The following NOD1 variants were observed in gnomAD, a reference collection of about 807,000 sequenced individuals.
NOD1 encodes nucleotide binding oligomerization domain containing 1.
A neutral mutation model predicts 81.2 loss-of-function variants in NOD1; 70 were observed. The observed-to-expected ratio is 0.86, with a 90% CI of 0.71 to 1.05. The LOEUF (loss-of-function observed/expected upper bound fraction) is 1.05. Ranked by LOEUF, NOD1 falls within the 50% of genes least tolerant of loss-of-function variation. NOD1 has a pLI of 0.00. For synonymous variants in NOD1, 508 were observed against 526.9 expected, an observed-to-expected ratio of 0.96 and a Z score of 0.49; for missense variants, 1,233 against 1,228.0, an observed-to-expected ratio of 1.00 and a Z score of -0.06.
chr7:30,448,005 A>T, intron 7 of NOD1: 1 of 373,156 alleles, frequency 2.7e-6, no homozygotes, highest in Non-Finnish European at 4.9e-6. Flanking sequence ...ACAGGATTCT[A>T]GCATTTATTA....
chr7:30,433,835 C>CAG (rs961112300), intron 11 of NOD1, among the ~76,000 whole-genome samples: 1 of 152,116 alleles, frequency 6.6e-6, no homozygotes, highest in African/African-American at 2.4e-5. Context: ...CCTTGAAGGG[C>CAG]AGTTTGGATG....
chr7:30,454,020 CT>C (rs1172944946), intron 5 of NOD1, among the ~76,000 whole-genome samples: 1 of 151,656 alleles, frequency 6.6e-6, no homozygotes, highest in African/African-American at 2.4e-5. Context: ...GGAATACTTT[CT>C]TTTTTTTTCA....
chr7:30,474,469 C>A (rs1385773097), intron 1 of NOD1, among the ~76,000 whole-genome samples: 3 of 152,226 alleles, frequency 2.0e-5, no homozygotes, highest in African/African-American at 7.2e-5. Flanking sequence ...TTTCCACAGA[C>A]AGCGGCGAGT....
chr7:30,457,805 G>A (rs1401115865), intron 3 of NOD1, among the ~76,000 whole-genome samples: 1 of 151,982 alleles, frequency 6.6e-6, no homozygotes, highest in Non-Finnish European at 1.5e-5. Flanking sequence ...GTCTCCTGTG[G>A]TAGCCAGAGG....
chr7:30,468,695 A>T (rs1223276032), intron 1 of NOD1: 2 of 388,222 alleles, frequency 5.2e-6, no homozygotes, highest in Non-Finnish European at 3.5e-6. Context: ...TGCAAATGTC[A>T]ATTAGAGTGG....
At chr7:30,448,621 C>T (rs559250887) in intron 6 of NOD1, among the ~76,000 whole-genome samples, 1 of 152,342 alleles carries the variant, frequency 6.6e-6, no homozygotes, top group African/African-American at 2.4e-5. Flanking sequence ...TGGCTCCTCA[C>T]ACGACCGTGA....
Position 30,436,012 on chromosome 7 carries a change from A to G in NOD1, c.2607T>C (p.Ser869=), listed in dbSNP as rs888711873. 3.7e-6 allele frequency: 6 copies of G among 1,613,556 alleles called. No homozygotes were observed. The African/African-American group carries it at 6.7e-5, about 18-fold the overall frequency. The change falls in exon 11 of 14, where the codon TCT becomes TCC. Residue 869 remains serine (S), a synonymous_variant. Coordinates refer to ENST00000222823, the MANE Select transcript of NOD1 (RefSeq NM_006092.4). ...SLARALQQNT[S]LEILWLTQNE... is the part of the protein sequence containing the mutation. ...CGAGCTATTACCACAGTATTTCTAG[A>G]GACGTGTTCTGCTGCAGGGCCCTCG...
intron 5 of NOD1, among the ~76,000 whole-genome samples, chr7:30,454,510 A>G (rs549142087): frequency 1.3e-5 from 2 of 152,364 alleles, no homozygotes; most frequent in African/African-American, 4.8e-5. Context: ...GGATACAGCA[A>G]AAAATACTTA....
intron 12 of NOD1, among the ~76,000 whole-genome samples, chr7:30,431,784 AATAG>A (rs1230193995): frequency 6.6e-6 from 1 of 152,208 alleles, no homozygotes; most frequent in Non-Finnish European, 1.5e-5. Flanking sequence ...CAAAGAAAAA[AATAG>A]ATAAATTGGA....
chr7:30,448,390 A>G lies in NOD1; in HGVS notation c.2202-9T>C, dbSNP rs1434198438. The G allele has an allele frequency of 6.2e-6, 10 of 1,611,464 alleles. No homozygotes were observed. The highest frequency in any genetic ancestry group is 8.5e-6 in the Non-Finnish European group (10 of 1,177,670). On this transcript the variant is annotated splice_polypyrimidine_tract_variant and intron_variant, in intron 6 of 13. Transcript: ENST00000222823. The stretch of plus-strand genomic sequence containing the variant: ...TCTGGTTTACGCTGAGTCTGAAATA[A>G]AACAGCAAAAAAATTACGAGTCAGG...
At chr7:30,474,151 T>C (rs1273521531) in intron 1 of NOD1, among the ~76,000 whole-genome samples, 1 of 152,132 alleles carries the variant, frequency 6.6e-6, no homozygotes, top group Non-Finnish European at 1.5e-5. Context: ...CTCAAGAAGA[T>C]TAAAAACCTT....
chr7:30,435,280 C>T (rs973393246), intron 11 of NOD1, among the ~76,000 whole-genome samples: 1 of 152,126 alleles, frequency 6.6e-6, no homozygotes, highest in African/African-American at 2.4e-5. Context: ...AGGCCAAACC[C>T]TGATGTGAAG....
At chr7:30,473,536 C>T (rs1242426917) in intron 1 of NOD1, among the ~76,000 whole-genome samples, 1 of 152,140 alleles carries the variant, frequency 6.6e-6, no homozygotes, top group African/African-American at 2.4e-5. Context: ...TAATGTTAGT[C>T]AATATCGGTA....
At chr7:30,449,690 T>A (rs1785479196) in intron 6 of NOD1, among the ~76,000 whole-genome samples, 1 of 152,218 alleles carries the variant, frequency 6.6e-6, no homozygotes, top group Non-Finnish European at 1.5e-5. Context: ...GAAATAAGCT[T>A]GTAACTCACC....
At chr7:30,460,565 T>C in intron 1 of NOD1, 2 of 985,188 alleles carry the variant, frequency 2.0e-6, no homozygotes, top group Non-Finnish European at 2.4e-6. Context: ...ACCAAGCTAA[T>C]GGAGGCAGCC....
rs1196085326 is a variant in NOD1, at chr7:30,425,268, G to A, written c.*370C>T. 4 of 222,816 alleles carry A rather than the reference G, an allele frequency of 1.8e-5. No individual in the cohort carries two copies. Among genetic ancestry groups the A allele is most frequent in the South Asian group, 8.5e-5 (1 of 11,714 alleles). 13.8% of individuals were successfully genotyped at this position (222,816 alleles called of 1,614,324 possible). A position where few individuals can be genotyped will look rare whatever the true frequency, so the allele number is the denominator to read the frequency against. On this transcript the variant is annotated 3_prime_UTR_variant, in exon 14 of 14. Transcript: ENST00000222823. ...CAATGAAAAGAGCGGTGACCAACTCGCTCCCGTTGGTCCCTATGGCAGGTG... is the reference window on the plus strand; with the variant it reads ...CAATGAAAAGAGCGGTGACCAACTCACTCCCGTTGGTCCCTATGGCAGGTG...
chr7:30,448,070 T>C (rs1211672387), intron 7 of NOD1: 1 of 547,084 alleles, frequency 1.8e-6, no homozygotes, highest in Admixed American at 3.2e-5. Flanking sequence ...GTAAGCCTAC[T>C]TGCCTATACT....
Position 30,451,593 on chromosome 7 carries a change from C to G in NOD1, c.1824G>C (p.Val608=), listed in dbSNP as rs1291845296. ...KAKQKLLRHL[V]PAAALRRKRK... ...GCTTTCTCCTCAGGGCTGCCGCGGG[C>G]ACCAGATGCCGCAGGAGTTTCTGTT... The change falls in exon 6 of 14, where the codon GTG becomes GTC. Residue 608 remains valine, a synonymous_variant. Transcript: ENST00000222823. This position sits in a 1 kb window ranked among gnomAD's most constrained non-coding sequence, Gnocchi z 4.2. 6.2e-7 allele frequency: 1 copy of G among 1,613,668 alleles called. No individual in the cohort carries two copies. Among genetic ancestry groups the G allele is most frequent in the Non-Finnish European group, 8.5e-7 (1 of 1,179,998 alleles).
chr7:30,432,295 G>A (rs902581939), intron 12 of NOD1, among the ~76,000 whole-genome samples: 3 of 152,058 alleles, frequency 2.0e-5, no homozygotes, highest in Non-Finnish European at 4.4e-5. Context: ...CAAAGGATAT[G>A]GAGACATTTC....
Sources: allele counts gnomAD v4.1 joint callset (sites outside exome capture counted in the v4.1 genomes callset), GRCh38; gene constraint gnomAD v4.1.1; non-coding constraint Gnocchi (gnomAD v3.1); transcripts MANE v1.5; gene names NCBI Gene and HGNC (gene_info 2026-07-23, HGNC 2026-07-21).